Variants in TMEM132D observed in about 807,000 individuals in gnomAD.
The protein encoded by TMEM132D is transmembrane protein 132D.
Under a neutral mutation model 62.3 loss-of-function variants are expected in TMEM132D, and 21 were observed. That is an observed-to-expected ratio of 0.34 (90% CI 0.24 to 0.49). The LOEUF (loss-of-function observed/expected upper bound fraction) is 0.49. TMEM132D is among the 20% of genes least tolerant of loss of function. The probability of loss-of-function intolerance (pLI) is 0.99; values close to 1 mark genes in which losing one functional copy is unlikely to be tolerated. For synonymous variants in TMEM132D, 621 were observed against 575.6 expected (o/e 1.08, Z -1.13); for missense variants, 1,346 against 1,402.8 (o/e 0.96, Z 0.65).
chr12:129,127,328 C>G (rs547988376), intron 5 of TMEM132D, among the ~76,000 whole-genome samples: 61 of 152,298 alleles, frequency 4.0e-4, no homozygotes, highest in Admixed American at 1.1e-3. Flanking sequence ...TGACAAATGC[C>G]TCTTTGGCCC....
rs2137224901 is a variant in TMEM132D at position 129,699,746 on chromosome 12, C to T, written c.968+64G>A. 5 of 1,572,382 alleles carry T rather than the reference C, an allele frequency of 3.2e-6. No homozygotes were observed. In the South Asian group the frequency reaches 6.0e-5, roughly 19 times the overall value. ...CGATAACACAGCTTTTCTGGTCAAA[C>T]AGCTTCTGGAAAACACCACCTGATC... On this transcript the variant is annotated intron_variant, in intron 2 of 8. Transcript: ENST00000422113.
chr12:129,806,027 A>C (rs78904793), intron 1 of TMEM132D, among the ~76,000 whole-genome samples: 84,253 of 93,258 alleles, frequency 0.9, 38,928 homozygotes, highest in Non-Finnish European at 0.99. Flanking sequence ...GGCAATCATT[A>C]AAAAGTCAGG....
At chr12:129,674,497 T>TA (rs769519794) in intron 2 of TMEM132D, among the ~76,000 whole-genome samples, 8 of 152,294 alleles carry the variant, frequency 5.3e-5, no homozygotes, top group Non-Finnish European at 8.8e-5. Context: ...ATTTTTGGTT[T>TA]AAAAAATGTA....
At chr12:129,482,905 A>C (rs906898024) in intron 3 of TMEM132D, among the ~76,000 whole-genome samples, 1 of 151,774 alleles carries the variant, frequency 6.6e-6, no homozygotes, top group African/African-American at 2.4e-5. Flanking sequence ...TCCTTTGAAA[A>C]GAGCAAACAT....
intron 3 of TMEM132D, chr12:129,522,401 A>G (rs1457197244): frequency 6.6e-6 from 1 of 152,114 alleles, no homozygotes; most frequent in East Asian, 1.9e-4. Flanking sequence ...TCTTTTTTTA[A>G]TGTTCCATGA....
chr12:129,216,163 G>A (rs1364618290), intron 4 of TMEM132D, among the ~76,000 whole-genome samples: 1 of 152,176 alleles, frequency 6.6e-6, no homozygotes, highest in Non-Finnish European at 1.5e-5. Context: ...GCTATAACAT[G>A]AGCATAATGA....
In TMEM132D at chr12:129,809,631, C is replaced by T. The variant is rs186324011; in HGVS notation, c.79+93630G>A. ...TGAATTTTCTGACCTTACTCTAGCT[C>T]ATTTGTAAAGTGAATTTGAAATTCT... On this transcript the variant is annotated intron_variant, in intron 1 of 8. Coordinates refer to ENST00000422113, the MANE Select transcript of TMEM132D (RefSeq NM_133448.3). Among the ~76,000 whole-genome samples the T allele has an allele frequency of 3.9e-5, 6 of 152,230 alleles. No homozygotes were observed. In the East Asian group the frequency reaches 1.2e-3, roughly 29 times the overall value.
intron 2 of TMEM132D, among the ~76,000 whole-genome samples, chr12:129,624,085 G>C (rs1226534916): frequency 6.6e-6 from 1 of 152,050 alleles, no homozygotes; most frequent in African/African-American, 2.4e-5. Flanking sequence ...CATATCCCCT[G>C]CCTTTGTTTA....
At chr12:129,607,925 T>A (rs1241586523) in intron 2 of TMEM132D, among the ~76,000 whole-genome samples, 2 of 152,176 alleles carry the variant, frequency 1.3e-5, no homozygotes, top group Non-Finnish European at 2.9e-5. Flanking sequence ...ATTGCTCAAG[T>A]GTATTGTACC....
intron 3 of TMEM132D, among the ~76,000 whole-genome samples, chr12:129,435,694 A>G (rs1174798350): frequency 6.6e-6 from 1 of 152,170 alleles, no homozygotes; most frequent in African/African-American, 2.4e-5. Flanking sequence ...AAGATTCTCC[A>G]TGCTTCTTAA....
At chr12:129,557,810 A>C (rs895229358) in intron 2 of TMEM132D, among the ~76,000 whole-genome samples, 1 of 152,250 alleles carries the variant, frequency 6.6e-6, no homozygotes, top group African/African-American at 2.4e-5. Flanking sequence ...CAATGATTAT[A>C]CAACATACGC....
intron 1 of TMEM132D, among the ~76,000 whole-genome samples, chr12:129,713,870 T>C (rs906928924): frequency 6.6e-6 from 1 of 152,242 alleles, no homozygotes; most frequent in East Asian, 1.9e-4. Context: ...TAACAAGTGA[T>C]GCCGATGTGG....
intron 5 of TMEM132D, among the ~76,000 whole-genome samples, chr12:129,149,869 G>T (rs1877021369): frequency 6.6e-6 from 1 of 152,172 alleles, no homozygotes; most frequent in African/African-American, 2.4e-5. Context: ...TGTGTGTCCT[G>T]AACACTCCTC....
At chr12:129,177,165 T>C (rs1199772541) in intron 5 of TMEM132D, among the ~76,000 whole-genome samples, 1 of 152,216 alleles carries the variant, frequency 6.6e-6, no homozygotes, top group Admixed American at 6.5e-5. Context: ...GAATTACAAG[T>C]AAGAGTATCT....
intron 1 of TMEM132D, among the ~76,000 whole-genome samples, chr12:129,749,132 G>C (rs1869915293): frequency 6.6e-6 from 1 of 152,162 alleles, no homozygotes; most frequent in African/African-American, 2.4e-5. Context: ...CATGGTTATT[G>C]ATTGTATTTC....
intron 1 of TMEM132D, among the ~76,000 whole-genome samples, chr12:129,791,213 T>C (rs1871392893): frequency 6.6e-6 from 1 of 152,230 alleles, no homozygotes; most frequent in South Asian, 2.1e-4. Flanking sequence ...CAGCAGGTCC[T>C]ATCTCATTAG....
intron 1 of TMEM132D, among the ~76,000 whole-genome samples, chr12:129,759,106 G>A (rs1032248319): frequency 1.3e-5 from 2 of 151,908 alleles, no homozygotes; most frequent in African/African-American, 4.8e-5. Flanking sequence ...GCTAATTTTT[G>A]TATTTTTAGT....
At chr12:129,353,312 T>C (rs983492305) in intron 3 of TMEM132D, among the ~76,000 whole-genome samples, 2 of 152,062 alleles carry the variant, frequency 1.3e-5, no homozygotes, top group Non-Finnish European at 2.9e-5. Context: ...GTAAAATGTA[T>C]GAAGCAAGGA....
chr12:129,874,194 G>A (rs1395013340), intron 1 of TMEM132D, among the ~76,000 whole-genome samples: 1 of 152,192 alleles, frequency 6.6e-6, no homozygotes, highest in African/African-American at 2.4e-5. Flanking sequence ...GTGAGGTAAT[G>A]CATATGATAA....
Sources: allele counts gnomAD v4.1 joint callset (sites outside exome capture counted in the v4.1 genomes callset), GRCh38; gene constraint gnomAD v4.1.1; transcripts MANE v1.5; gene names NCBI Gene and HGNC (gene_info 2026-07-23, HGNC 2026-07-21).